ZNF639: variants seen among roughly 807,000 people sequenced by gnomAD.
The protein encoded by ZNF639 is zinc finger amplified in esophageal squamous cell carcinomas 1.
A neutral mutation model predicts 39.8 loss-of-function variants in ZNF639; 20 were observed. The observed-to-expected ratio is 0.50, with a 90% confidence interval of 0.35 to 0.73. The LOEUF is 0.73. Among genes scored for constraint, ZNF639 ranks in the 30% least tolerant of loss-of-function variants. ZNF639 has a pLI of 0.00. For synonymous variants in ZNF639, 176 were observed against 189.8 expected, an observed-to-expected ratio of 0.93 and a Z score of 0.60; for missense variants, 477 against 566.2, an observed-to-expected ratio of 0.84 and a Z score of 1.60.
At chr3:179,330,252 A>G (rs1236357732) in intron 4 of ZNF639, among the ~76,000 whole-genome samples, 1 of 152,076 alleles carries the variant, frequency 6.6e-6, no homozygotes, top group Non-Finnish European at 1.5e-5. Flanking sequence ...TATAAATAAA[A>G]AAGTGCACTC....
chr3:179,331,536 T>C (rs6781736), intron 4 of ZNF639, among the ~76,000 whole-genome samples: 4,163 of 152,088 alleles, frequency 0.027, 204 homozygotes, highest in African/African-American at 0.096. Flanking sequence ...CCCAGCACTT[T>C]GGGAGGCTGA....
intron 1 of ZNF639, among the ~76,000 whole-genome samples, chr3:179,327,321 C>CT (rs1727651723): frequency 6.6e-6 from 1 of 151,182 alleles, no homozygotes; most frequent in Non-Finnish European, 1.5e-5. Flanking sequence ...ATGAGACTGT[C>CT]TCAAAAAAAA....
chr3:179,327,537 ACTT>A (rs1727666375), intron 1 of ZNF639, 21 bp from the exon 2 acceptor site: 2 of 152,208 alleles, frequency 1.3e-5, no homozygotes, highest in Non-Finnish European at 2.9e-5. Context: ...TTGCTTAATA[ACTT>A]CTTTCATGTT....
rs889139817 is a variant in ZNF639 at position 179,323,187 on chromosome 3, C to A, written c.-187C>A. On this transcript the variant is annotated 5_prime_UTR_variant, in exon 1 of 6. Coordinates refer to ENST00000496856, the MANE Select transcript of ZNF639 (RefSeq NM_001303426.2). ...GCGCTAGGGCCGGAGCAGCGCTGCC[C>A]GCCGCCGTGCGTCCGCGGGAAGGAC... 9.1e-6 allele frequency: 9 copies of A among 984,672 alleles called. No individual in the cohort carries two copies. The highest frequency in any genetic ancestry group is 3.5e-5 in the African/African-American group (2 of 57,114). The allele number at this position is 984,672 out of a possible 1,614,324, so 61.0% of individuals were successfully genotyped here.
At chr3:179,329,906 A>ATTT (rs1413108727) in intron 4 of ZNF639, 178 bp downstream of exon 4, 5 of 238,510 alleles carry the variant, frequency 2.1e-5, no homozygotes, top group African/African-American at 9.5e-5. Context: ...AATTTTAACT[A>ATTT]TTCTTTTTTT....
At chr3:179,331,927 C>G (rs1727938535) in intron 4 of ZNF639, among the ~76,000 whole-genome samples, 1 of 152,078 alleles carries the variant, frequency 6.6e-6, no homozygotes, top group African/African-American at 2.4e-5. Context: ...TACCTCTGGT[C>G]TATCTCCCAG....
rs950883110 is a variant in ZNF639, at chr3:179,336,976, A to G, written c.*2554A>G. On this transcript the variant is annotated 3_prime_UTR_variant, in exon 6 of 6. Transcript: ENST00000496856. ...AAGTGTTAGTAATTGAAAAGATTGC[A>G]GGCTGGGCGTGGTGGCCCACGCCTC... The G allele has an allele frequency of 1.3e-5, 2 of 152,204 alleles. No homozygotes were observed. The highest frequency in any genetic ancestry group is 2.4e-5 in the African/African-American group (1 of 41,448). The allele number at this position is 152,204 out of a possible 1,614,324, so 9.4% of individuals were successfully genotyped here.
Position 179,334,494 on chromosome 3 carries a change from G to T in ZNF639, c.*72G>T. The T allele has an allele frequency of 5.7e-6, 7 of 1,220,638 alleles. No individual in the cohort carries two copies. The highest frequency in any genetic ancestry group is 7.7e-6 in the Non-Finnish European group (7 of 909,130). The allele number at this position is 1,220,638 out of a possible 1,614,324, so 75.6% of individuals were successfully genotyped here. On this transcript the variant is annotated 3_prime_UTR_variant, in exon 6 of 6. Transcript: ENST00000496856. ...TCCTTTTTTTGGAGATGATTAAATG[G>T]ATGATTGTAAACACAACTTATGAAA...
At chr3:179,325,771 C>T (rs1727553578) in intron 1 of ZNF639, among the ~76,000 whole-genome samples, 1 of 152,038 alleles carries the variant, frequency 6.6e-6, no homozygotes, top group Non-Finnish European at 1.5e-5. Context: ...GTCCCAGCTA[C>T]TTGGGAGGCT....
At chr3:179,332,303 TA>T (rs1327333192) in intron 4 of ZNF639, among the ~76,000 whole-genome samples, 1 of 152,214 alleles carries the variant, frequency 6.6e-6, no homozygotes, top group Non-Finnish European at 1.5e-5. Context: ...AAAACTATTC[TA>T]AAAAATAAGG....
chr3:179,331,860 A>G (rs1023717722), intron 4 of ZNF639, among the ~76,000 whole-genome samples: 1 of 152,074 alleles, frequency 6.6e-6, no homozygotes, highest in African/African-American at 2.4e-5. Context: ...AACATCAACA[A>G]CCATAAATCA....
intron 3 of ZNF639, 64 bp from the exon 4 acceptor site, chr3:179,329,554 C>A: frequency 8.1e-6 from 7 of 860,860 alleles, no homozygotes; most frequent in South Asian, 1.5e-5. Context: ...AGTTAGATAA[C>A]GGGAAGTTTC....
chr3:179,323,410 ACT>A lies in ZNF639; in HGVS notation c.-83+122_-83+123del, dbSNP rs1460396462. 4.1e-6 allele frequency: 4 copies of A among 982,640 alleles called. No homozygotes were observed. The African/African-American group carries it at 5.3e-5, about 13-fold the overall frequency. The allele number at this position is 982,640 out of a possible 1,614,324, so 60.9% of individuals were successfully genotyped here. A position where few individuals can be genotyped will look rare whatever the true frequency, so the allele number is the denominator to read the frequency against. On this transcript the variant is annotated intron_variant, in intron 1 of 5. Coordinates refer to ENST00000496856, the MANE Select transcript of ZNF639 (RefSeq NM_001303426.2). ...AGACCGGAGCTCCCTTTATACGGAA[ACT>A]CTGCCTTCGTTATATGGCGGGATGG...
At position 179,333,696 on chromosome 3, in the gene ZNF639, C is replaced by T. The variant is rs753574835; in HGVS notation, c.732C>T (p.Thr244=). ...GAGTATGCAAGGAAAGTTTCTCTAC[C>T]AATATGCTTCTGATAGAACATGCCA... ...VCRVCKESFS[T]NMLLIEHAKL... Residue 244 remains threonine (T), a synonymous_variant, in exon 6 of 6, where the codon ACC becomes ACT. Coordinates refer to ENST00000496856, the MANE Select transcript of ZNF639 (RefSeq NM_001303426.2). The T allele has an allele frequency of 9.9e-6, 16 of 1,614,074 alleles. 1 individual carries two copies. The South Asian group carries it at 1.8e-4, about 18-fold the overall frequency.
rs774491222 is a variant in ZNF639, at chr3:179,328,333, C to T, written c.40C>T (p.His14Tyr). 4 of 1,586,506 alleles carry T rather than the reference C, an allele frequency of 2.5e-6. No individual in the cohort carries two copies. Among genetic ancestry groups the T allele is most frequent in the South Asian group, 1.2e-5 (1 of 86,826 alleles). Residue 14 changes from histidine (H) to tyrosine (Y), a missense_variant, in exon 3 of 6, where the codon CAC (histidine) becomes TAC (tyrosine). Coordinates refer to ENST00000496856, the MANE Select transcript of ZNF639 (RefSeq NM_001303426.2). ...TAAAAAAAGAAAAAGGAAGACTCTA[C>T]ACCCTTCTCGTTATTCAGGTCAGTG... ...YPKKRKRKTLHPSRYSDSSGI... is the reference protein window; with the variant it reads ...YPKKRKRKTLYPSRYSDSSGI...
In ZNF639 at chr3:179,330,477, G is replaced by A. The variant is rs556465981; in HGVS notation, c.169+749G>A. Reference sequence around the variant, plus strand: ...TTTAAAAATTTTTTTGTAAAGACAGGGTCTTGCTGTGTTGCCCAGGCTGGT... The same window carrying A: ...TTTAAAAATTTTTTTGTAAAGACAGAGTCTTGCTGTGTTGCCCAGGCTGGT... On this transcript the variant is annotated intron_variant, in intron 4 of 5. Transcript: ENST00000496856. Among the ~76,000 whole-genome samples the A allele has an allele frequency of 5.3e-5, 8 of 152,154 alleles. No homozygotes were observed. The East Asian group carries it at 7.7e-4, about 15-fold the overall frequency.
intron 3 of ZNF639, 121 bp downstream of exon 3, chr3:179,328,472 C>G: frequency 1.6e-6 from 1 of 615,960 alleles, no homozygotes; most frequent in Non-Finnish European, 2.7e-6. Flanking sequence ...TTAGGTAAAA[C>G]AACGGTTTAA....
intron 4 of ZNF639, among the ~76,000 whole-genome samples, chr3:179,332,403 G>T (rs889214518): frequency 6.6e-6 from 1 of 152,166 alleles, no homozygotes; most frequent in East Asian, 1.9e-4. Flanking sequence ...TGGGAGGATC[G>T]CTTGAGGCCA....
chr3:179,323,092 C>T lies in ZNF639; in HGVS notation c.-282C>T, dbSNP rs1427670846. On this transcript the variant is annotated 5_prime_UTR_variant, in exon 1 of 6. Transcript: ENST00000496856. ...GGCAGTGCGGCCGCGGAGCCTAGGCCAGGGGCCTGGCGCTCAGGGCGTGGG... is the reference window on the plus strand; with the variant it reads ...GGCAGTGCGGCCGCGGAGCCTAGGCTAGGGGCCTGGCGCTCAGGGCGTGGG... 7.1e-6 allele frequency: 7 copies of T among 984,820 alleles called. No homozygotes were observed. The highest frequency in any genetic ancestry group is 1.8e-5 in the African/African-American group (1 of 57,130). The allele number at this position is 984,820 out of a possible 1,614,324, so 61.0% of individuals were successfully genotyped here.
Sources: gnomAD v4.1 joint callset for allele counts (sites outside exome capture counted in the v4.1 genomes callset) on GRCh38, gnomAD v4.1.1 for gene constraint, MANE v1.5 for transcripts, NCBI Gene and HGNC (gene_info 2026-07-23, HGNC 2026-07-21) for gene names.